The following HACD1 variants were observed in gnomAD, a reference collection of about 807,000 sequenced individuals.
HACD1 encodes the protein 3-hydroxyacyl-CoA dehydratase 1.
HACD1 carries 41 observed loss-of-function variants against 32.0 expected under a neutral mutation model. The observed-to-expected ratio is 1.28, with a 90% CI of 1.00 to 1.66. The LOEUF (loss-of-function observed/expected upper bound fraction) is 1.66. Among genes scored for constraint, HACD1 ranks in the 40% most tolerant of loss-of-function variants. The pLI is 0.00. For synonymous variants in HACD1, 142 were observed against 139.0 expected (o/e 1.02, Z -0.15); for missense variants, 396 against 380.1 (o/e 1.04, Z -0.35).
chr10:17,614,481 GATCCA>G (rs1386730403), intron 1 of HACD1, among the ~76,000 whole-genome samples: 2 of 119,862 alleles, frequency 1.7e-5, no homozygotes, highest in Admixed American at 1.7e-4. Context: ...GGTCTCAGGC[GATCCA>G]CCCGCCTCAG....
chr10:17,614,559 T>G (rs1353167314), intron 1 of HACD1, among the ~76,000 whole-genome samples: 1 of 150,948 alleles, frequency 6.6e-6, no homozygotes, highest in African/African-American at 2.4e-5. Context: ...ACAAAAAAAT[T>G]TTCAAATTAG....
At position 17,590,389 on chromosome 10, in the gene HACD1, T is replaced by C; in HGVS notation, c.842A>G (p.Glu281Gly). 1.2e-6 allele frequency: 2 copies of C among 1,602,442 alleles called. No individual in the cohort carries two copies. The highest frequency in any genetic ancestry group is 1.7e-6 in the Non-Finnish European group (2 of 1,172,090). The change falls in exon 7 of 7, where the codon GAG (glutamate) becomes GGG (glycine). Residue 281 changes from glutamate (E) to glycine (G), a missense_variant. By Grantham distance (98) the Glu-to-Gly change is moderately conservative. Coordinates refer to ENST00000361271, the MANE Select transcript of HACD1 (RefSeq NM_014241.4). The stretch of plus-strand genomic sequence containing the variant: ...TTAATCATCCTTTTCTACAATCACC[T>C]CTCCATGAAGCACCTTTCTTCTTTG... Reference protein sequence around the residue: ...LRQRRKVLHGEVIVEKDD With the variant: ...LRQRRKVLHGGVIVEKDD
Position 17,595,925 on chromosome 10 carries a change from G to T in HACD1, c.606-1542C>A, listed in dbSNP as rs558467396. On this transcript the variant is annotated intron_variant, in intron 5 of 6. Coordinates refer to ENST00000361271, the MANE Select transcript of HACD1 (RefSeq NM_014241.4). ...TGCTTGAGCCTAGGAGGTCAAGGGGGCAGTGAGCCAAGACCGCACCACTGT... is the reference window on the plus strand; with the variant it reads ...TGCTTGAGCCTAGGAGGTCAAGGGGTCAGTGAGCCAAGACCGCACCACTGT... Among the ~76,000 whole-genome samples the T allele has an allele frequency of 1.7e-4, 26 of 152,106 alleles. No individual in the cohort carries two copies. In the South Asian group the frequency reaches 4.6e-3, roughly 27 times the overall value.
At chr10:17,610,741 C>T (rs782595014) in intron 1 of HACD1, among the ~76,000 whole-genome samples, 1 of 152,132 alleles carries the variant, frequency 6.6e-6, no homozygotes, top group Non-Finnish European at 1.5e-5. Context: ...TATCCATTAT[C>T]TCTTTATTCC....
chr10:17,591,581 G>C (rs1437738481), intron 6 of HACD1, among the ~76,000 whole-genome samples: 4 of 152,176 alleles, frequency 2.6e-5, no homozygotes, highest in African/African-American at 7.2e-5. Flanking sequence ...CAAATTTGAA[G>C]AATATTTTGA....
chr10:17,604,509 G>A (rs1407740324), intron 1 of HACD1, among the ~76,000 whole-genome samples: 1 of 150,644 alleles, frequency 6.6e-6, no homozygotes, highest in Non-Finnish European at 1.5e-5. Context: ...AAGAAATGTG[G>A]TCTATACAGA....
At chr10:17,604,766 C>T (rs990246939) in intron 1 of HACD1, among the ~76,000 whole-genome samples, 27 of 152,282 alleles carry the variant, frequency 1.8e-4, no homozygotes, top group African/African-American at 5.8e-4. Flanking sequence ...AGGGCAGTGG[C>T]GCAGTCTTGC....
chr10:17,613,431 A>G (rs1261335629), intron 1 of HACD1, among the ~76,000 whole-genome samples: 3 of 152,128 alleles, frequency 2.0e-5, no homozygotes, highest in Non-Finnish European at 4.4e-5. Flanking sequence ...AACTTCTTCA[A>G]CCTTATTTAC....
intron 1 of HACD1, among the ~76,000 whole-genome samples, chr10:17,604,272 T>G (rs985377207): frequency 1.3e-5 from 2 of 151,952 alleles, no homozygotes; most frequent in South Asian, 4.2e-4. Flanking sequence ...GATCACGAGG[T>G]CAGGAGATCG....
At chr10:17,608,412 T>C (rs1347250204) in intron 1 of HACD1, among the ~76,000 whole-genome samples, 1 of 152,196 alleles carries the variant, frequency 6.6e-6, no homozygotes, top group Non-Finnish European at 1.5e-5. Flanking sequence ...AACAATATTC[T>C]AGCTTGCTAT....
At chr10:17,602,893 T>G (rs1554816677) in intron 4 of HACD1, 1 of 145,138 alleles carries the variant, frequency 6.9e-6, no homozygotes, top group Non-Finnish European at 1.5e-5. Flanking sequence ...TAAGATATAA[T>G]TTTTTTTTTT....
intron 1 of HACD1, among the ~76,000 whole-genome samples, chr10:17,610,466 T>C (rs574174407): frequency 2.0e-5 from 3 of 152,142 alleles, no homozygotes; most frequent in African/African-American, 2.4e-5. Context: ...CTGGGCAACA[T>C]GGCAAGACCT....
At position 17,617,082 on chromosome 10, in the gene HACD1, C is replaced by T. The variant is rs1487910859; in HGVS notation, c.257+1G>A. ...CCGAGGGTGCCCCGCGGCGCGCGTA[C>T]CCCGCGGTCATGGCGATGTCGTAGA... On this transcript the variant is annotated splice_donor_variant, in intron 1 of 6. Coordinates refer to ENST00000361271, the MANE Select transcript of HACD1 (RefSeq NM_014241.4). LOFTEE classifies it high-confidence loss of function. 2 of 1,483,918 alleles carry T rather than the reference C, an allele frequency of 1.3e-6. No homozygotes were observed. The highest frequency in any genetic ancestry group is 1.5e-5 in the African/African-American group (1 of 68,376). The allele number at this position is 1,483,918 out of a possible 1,614,324, so 91.9% of individuals were successfully genotyped here. A position where few individuals can be genotyped will look rare whatever the true frequency, so the allele number is the denominator to read the frequency against.
chr10:17,598,852 C>G lies in HACD1; in HGVS notation c.605+438G>C, dbSNP rs111322667. 1.0e-3 allele frequency among the ~76,000 whole-genome samples: 153 copies of G among 152,030 alleles called. No homozygotes were observed. In the Middle Eastern group the frequency reaches 0.024, roughly 24 times the overall value. ...AAGTAAGTGTGACTTTTAAAAATGT[C>G]TCTGCAACTTAAAGCAAAGAAAAAA... On this transcript the variant is annotated intron_variant, in intron 5 of 6. Transcript: ENST00000361271.
At chr10:17,603,040 C>G (rs1191528535) in intron 4 of HACD1, 1 of 152,318 alleles carries the variant, frequency 6.6e-6, no homozygotes, top group Non-Finnish European at 1.5e-5. Flanking sequence ...GGTGCTCGCC[C>G]CCACGCCTGG....
chr10:17,610,117 A>G (rs1382302789), intron 1 of HACD1, among the ~76,000 whole-genome samples: 1 of 152,226 alleles, frequency 6.6e-6, no homozygotes, highest in Non-Finnish European at 1.5e-5. Context: ...GCATGCTTAT[A>G]GCTTGATTTG....
At chr10:17,596,935 C>T (rs1023390230) in intron 5 of HACD1, among the ~76,000 whole-genome samples, 10 of 152,184 alleles carry the variant, frequency 6.6e-5, no homozygotes, top group East Asian at 3.9e-4. Flanking sequence ...TAGTTTTATT[C>T]GAGAATGACA....
chr10:17,613,507 A>G (rs1045227955), intron 1 of HACD1, among the ~76,000 whole-genome samples: 4 of 152,192 alleles, frequency 2.6e-5, no homozygotes, highest in Admixed American at 6.5e-5. Context: ...TATCATGCCT[A>G]TTTCCAGAAT....
At chr10:17,590,798 A>G (rs925132861) in intron 6 of HACD1, among the ~76,000 whole-genome samples, 8 of 152,040 alleles carry the variant, frequency 5.3e-5, no homozygotes, top group Non-Finnish European at 1.2e-4. Flanking sequence ...CAGTCTCCCG[A>G]GTAGCTGAGA....
Sources: allele counts gnomAD v4.1 joint callset (sites outside exome capture counted in the v4.1 genomes callset), GRCh38; gene constraint gnomAD v4.1.1; transcripts MANE v1.5; gene names NCBI Gene and HGNC (gene_info 2026-07-23, HGNC 2026-07-21).